Variants in FBXW7 observed in about 807,000 individuals in gnomAD.
FBXW7 encodes F-box/WD repeat-containing protein 7.
Under a neutral mutation model 86.3 loss-of-function variants are expected in FBXW7, and 11 were observed. That is an observed-to-expected ratio of 0.13 (90% confidence interval 0.08 to 0.21). FBXW7 has a LOEUF of 0.21. Ranked by LOEUF, FBXW7 falls within the 10% of genes least tolerant of loss-of-function variation. The probability of loss-of-function intolerance (pLI) is 1.00; values close to 1 mark genes in which losing one functional copy is unlikely to be tolerated. For missense variants in FBXW7, 488 were observed against 847.4 expected (o/e 0.58, Z 5.27); for synonymous variants, 313 against 297.9 (o/e 1.05, Z -0.52).
At chr4:152,434,022 AT>A (rs1224309622) in intron 2 of FBXW7, among the ~76,000 whole-genome samples, 3 of 152,184 alleles carry the variant, frequency 2.0e-5, no homozygotes, top group Non-Finnish European at 4.4e-5. Flanking sequence ...AGCTCTCCAT[AT>A]CCACATATCA....
intron 12 of FBXW7, chr4:152,324,710 C>A (rs1045536719): frequency 2.4e-5 from 7 of 288,914 alleles, no homozygotes; most frequent in Non-Finnish European, 4.0e-5. Context: ...TCTGGCCCCA[C>A]CTAGCTATAT....
At chr4:152,349,003 G>C (rs1731542549) in intron 5 of FBXW7, among the ~76,000 whole-genome samples, 1 of 151,976 alleles carries the variant, frequency 6.6e-6, no homozygotes, top group South Asian at 2.1e-4. Flanking sequence ...CTTTTTGAAT[G>C]TAAGACTATT....
chr4:152,356,258 A>T (rs1732377556), intron 4 of FBXW7, among the ~76,000 whole-genome samples: 2 of 152,182 alleles, frequency 1.3e-5, no homozygotes, highest in South Asian at 4.1e-4. Context: ...TACAAAACAA[A>T]TAATTAATAT....
At chr4:152,423,941 G>A (rs1354826701) in intron 2 of FBXW7, among the ~76,000 whole-genome samples, 1 of 152,122 alleles carries the variant, frequency 6.6e-6, no homozygotes, top group Non-Finnish European at 1.5e-5. Context: ...CTGTATTCCA[G>A]TAAAAGGTCA....
chr4:152,376,802 C>T (rs1175120421), intron 4 of FBXW7, among the ~76,000 whole-genome samples: 1 of 151,882 alleles, frequency 6.6e-6, no homozygotes, highest in Non-Finnish European at 1.5e-5. Context: ...TTCTCAGTTG[C>T]CTGACCCCAG....
chr4:152,465,431 T>C (rs1446891062), intron 2 of FBXW7, among the ~76,000 whole-genome samples: 1 of 152,208 alleles, frequency 6.6e-6, no homozygotes, highest in Non-Finnish European at 1.5e-5. Context: ...GTCTTTTCCT[T>C]ACTGTCATCA....
At chr4:152,497,276 C>T (rs141257241) in intron 2 of FBXW7, among the ~76,000 whole-genome samples, 1,863 of 139,196 alleles carry the variant, frequency 0.013, 24 homozygotes, top group Middle Eastern at 0.037. Flanking sequence ...GAGCCAAGAT[C>T]GCACCACTGC....
At chr4:152,329,919 G>T in intron 9 of FBXW7, 134 bp from the exon 10 acceptor site, 1 of 453,592 alleles carries the variant, frequency 2.2e-6, no homozygotes, top group African/African-American at 2.0e-5. Flanking sequence ...TTTATATAAA[G>T]CATTATTTTT....
intron 4 of FBXW7, among the ~76,000 whole-genome samples, chr4:152,378,740 T>C (rs929926751): frequency 1.1e-4 from 16 of 152,198 alleles, no homozygotes; most frequent in Non-Finnish European, 1.6e-4. Context: ...TGGTGGTTCA[T>C]GCCTGTAGTC....
chr4:152,486,290 C>A (rs946041838), intron 2 of FBXW7, among the ~76,000 whole-genome samples: 8 of 152,134 alleles, frequency 5.3e-5, no homozygotes, highest in Admixed American at 5.2e-4. Flanking sequence ...CACACTACAT[C>A]TATTTTTAAA....
chr4:152,387,098 C>T (rs556502689), intron 4 of FBXW7, among the ~76,000 whole-genome samples: 2 of 152,298 alleles, frequency 1.3e-5, no homozygotes, highest in Non-Finnish European at 2.9e-5. Flanking sequence ...TAAAACAAAT[C>T]ACTCAGAAGA....
intron 2 of FBXW7, among the ~76,000 whole-genome samples, chr4:152,527,802 C>T (rs1749649416): frequency 6.6e-6 from 1 of 150,576 alleles, no homozygotes; most frequent in African/African-American, 2.4e-5. Flanking sequence ...TTTATACAAA[C>T]CACACACACT....
chr4:152,432,686 C>T (rs1003729803), intron 2 of FBXW7, among the ~76,000 whole-genome samples: 1 of 152,158 alleles, frequency 6.6e-6, no homozygotes, highest in South Asian at 2.1e-4. Flanking sequence ...GCGGCACAAG[C>T]CTGCAGTCCC....
intron 4 of FBXW7, among the ~76,000 whole-genome samples, chr4:152,361,273 C>T (rs892984154): frequency 6.6e-6 from 1 of 152,024 alleles, no homozygotes. Context: ...CAGGCCCCCA[C>T]TACATTTTAA....
intron 2 of FBXW7, among the ~76,000 whole-genome samples, chr4:152,471,560 A>G (rs552445522): frequency 8.4e-4 from 127 of 151,390 alleles, no homozygotes; most frequent in African/African-American, 2.9e-3. Flanking sequence ...GGAGAGAGAA[A>G]GGAAGAGAGA....
intron 11 of FBXW7, 47 bp downstream of exon 11, chr4:152,328,161 C>T (rs2126511666): frequency 1.3e-6 from 2 of 1,523,978 alleles, no homozygotes; most frequent in South Asian, 2.5e-5. Context: ...CCCAAATTCA[C>T]CAATAATAGA....
At chr4:152,454,261 C>CG (rs1560917604) in intron 2 of FBXW7, among the ~76,000 whole-genome samples, 2 of 129,520 alleles carry the variant, frequency 1.5e-5, no homozygotes, top group South Asian at 2.9e-4. Flanking sequence ...GCCCCCCCCC[C>CG]CTTTTTTTTT....
At chr4:152,391,462 T>C (rs77655248) in intron 4 of FBXW7, among the ~76,000 whole-genome samples, 2,080 of 152,080 alleles carry the variant, frequency 0.014, 25 homozygotes, top group Middle Eastern at 0.037. Flanking sequence ...AACAAAGAAA[T>C]AAAATTCAAT....
chr4:152,420,932 G>A (rs1738889582), intron 2 of FBXW7, among the ~76,000 whole-genome samples: 2 of 152,180 alleles, frequency 1.3e-5, no homozygotes, highest in South Asian at 4.1e-4. Context: ...TAACAAGAGA[G>A]TCAGCCTGTC....
Sources: allele counts gnomAD v4.1 joint callset (sites outside exome capture counted in the v4.1 genomes callset), GRCh38; gene constraint gnomAD v4.1.1; transcripts MANE v1.5; gene names NCBI Gene and HGNC (gene_info 2026-07-23, HGNC 2026-07-21).